Variants in GNA14 observed in about 807,000 individuals in gnomAD.
The protein encoded by GNA14 is G protein subunit alpha 14, also known as guanine nucleotide-binding protein subunit alpha-14.
GNA14 carries 50 observed loss-of-function variants against 42.0 expected under a neutral mutation model. That is an observed-to-expected ratio of 1.19 (90% CI 0.95 to 1.51). The LOEUF (loss-of-function observed/expected upper bound fraction) is 1.51, where lower values mean the gene tolerates loss of function less well. GNA14 is among the 40% of genes most tolerant of loss of function. The pLI is 0.00. For synonymous variants in GNA14, 173 were observed against 163.1 expected, an observed-to-expected ratio of 1.06 and a Z score of -0.46; for missense variants, 473 against 446.2, an observed-to-expected ratio of 1.06 and a Z score of -0.54.
At chr9:77,619,150 A>G (rs2117967871) in intron 1 of GNA14, among the ~76,000 whole-genome samples, 1 of 152,214 alleles carries the variant, frequency 6.6e-6, no homozygotes, top group South Asian at 2.1e-4. Flanking sequence ...ACAAGAGCAC[A>G]TACCAGACCC....
At chr9:77,513,610 AG>A (rs749755804) in intron 2 of GNA14, among the ~76,000 whole-genome samples, 2 of 152,208 alleles carry the variant, frequency 1.3e-5, no homozygotes, top group Non-Finnish European at 2.9e-5. Flanking sequence ...TAATTCCGTG[AG>A]GAGGCACAGC....
intron 1 of GNA14, among the ~76,000 whole-genome samples, chr9:77,577,113 C>A (rs1032249268): frequency 6.6e-6 from 1 of 152,162 alleles, no homozygotes. Context: ...AGGCTAGACA[C>A]CAGAGGTGCT....
chr9:77,578,842 G>A (rs57135564), intron 1 of GNA14, among the ~76,000 whole-genome samples: 5,372 of 152,196 alleles, frequency 0.035, 319 homozygotes, highest in African/African-American at 0.12. Context: ...GGGTAAGAGG[G>A]GCAGAGACTG....
intron 1 of GNA14, 120 bp downstream of exon 1, chr9:77,647,547 GAGA>G: frequency 9.1e-7 from 1 of 1,097,458 alleles, no homozygotes. Flanking sequence ...CTCCGAGGGG[GAGA>G]AGGACGAAGC....
At chr9:77,443,079 A>T (rs1185261604) in intron 2 of GNA14, among the ~76,000 whole-genome samples, 1 of 152,230 alleles carries the variant, frequency 6.6e-6, no homozygotes, top group Admixed American at 6.5e-5. Context: ...ATGGAAGTGG[A>T]GAAATGGACA....
chr9:77,522,255 G>A (rs891288640), intron 2 of GNA14, among the ~76,000 whole-genome samples: 1 of 152,200 alleles, frequency 6.6e-6, no homozygotes, highest in East Asian at 1.9e-4. Context: ...AGGCAGGCAA[G>A]AAGGCGCCAT....
chr9:77,537,556 T>A (rs1837612749), intron 1 of GNA14, among the ~76,000 whole-genome samples: 1 of 152,240 alleles, frequency 6.6e-6, no homozygotes, highest in Non-Finnish European at 1.5e-5. Context: ...AGCGCAGGTA[T>A]TCCTGTGATA....
chr9:77,501,713 CTT>C (rs71358606), intron 2 of GNA14, among the ~76,000 whole-genome samples: 6 of 130,382 alleles, frequency 4.6e-5, no homozygotes, highest in Admixed American at 1.6e-4. Flanking sequence ...TGGATAATTT[CTT>C]TTTTTTTTTT....
chr9:77,498,916 G>A (rs974653596), intron 2 of GNA14, among the ~76,000 whole-genome samples: 1 of 152,066 alleles, frequency 6.6e-6, no homozygotes, highest in African/African-American at 2.4e-5. Context: ...AAGGTTCCTG[G>A]GCATAAAAGT....
At chr9:77,500,648 T>C (rs1447765251) in intron 2 of GNA14, among the ~76,000 whole-genome samples, 1 of 152,162 alleles carries the variant, frequency 6.6e-6, no homozygotes, top group African/African-American at 2.4e-5. Context: ...ACTAATCTAT[T>C]CTCCCTTTCT....
chr9:77,423,941 C>A lies in GNA14; in HGVS notation c.*38G>T. On this transcript the variant is annotated 3_prime_UTR_variant, in exon 7 of 7. Transcript: ENST00000341700. The stretch of plus-strand genomic sequence containing the variant: ...CAAATAAAACAAGGAGTTTGCAAAT[C>A]ACATCTTCTGTTATAGGGGAGGAGT... 6.9e-7 allele frequency: 1 copy of A among 1,444,332 alleles called. No individual in the cohort carries two copies. Among genetic ancestry groups the A allele is most frequent in the Non-Finnish European group, 9.4e-7 (1 of 1,067,472 alleles). The allele number at this position is 1,444,332 out of a possible 1,614,324, so 89.5% of individuals were successfully genotyped here. A position where few individuals can be genotyped will look rare whatever the true frequency, so the allele number is the denominator to read the frequency against.
intron 2 of GNA14, among the ~76,000 whole-genome samples, chr9:77,465,850 T>TC (rs1447975103): frequency 2.0e-5 from 3 of 152,164 alleles, no homozygotes; most frequent in African/African-American, 7.2e-5. Flanking sequence ...CAAGCAGTCC[T>TC]CCCACCTTGG....
At chr9:77,498,416 C>T (rs75845195) in intron 2 of GNA14, among the ~76,000 whole-genome samples, 2,182 of 149,752 alleles carry the variant, frequency 0.015, 49 homozygotes, top group African/African-American at 0.051. Context: ...AAACAAGCTG[C>T]ACCAGGGCAA....
intron 2 of GNA14, among the ~76,000 whole-genome samples, chr9:77,477,558 A>ACCCAC (rs1435272809): frequency 5.3e-5 from 8 of 151,976 alleles, no homozygotes; most frequent in Admixed American, 5.2e-4. Context: ...CCATCTAATC[A>ACCCAC]CCCACCCATA....
chr9:77,435,010 A>G (rs2148882), intron 2 of GNA14, among the ~76,000 whole-genome samples: 10,190 of 151,264 alleles, frequency 0.067, 815 homozygotes, highest in East Asian at 0.19. Flanking sequence ...GTGAAACACA[A>G]TAACAACTTA....
intron 2 of GNA14, among the ~76,000 whole-genome samples, chr9:77,444,617 GC>G (rs1194851952): frequency 6.6e-6 from 1 of 152,070 alleles, no homozygotes; most frequent in Admixed American, 6.6e-5. Flanking sequence ...GCAGCCTCAG[GC>G]CCCCTCAGAC....
In GNA14 at chr9:77,431,323, A is replaced by T; in HGVS notation, c.591T>A (p.Phe197Leu). The change falls in exon 4 of 7, where the codon TTT becomes TTA. Residue 197 changes from phenylalanine to leucine, a missense_variant and splice_region_variant. Coordinates refer to ENST00000341700, the MANE Select transcript of GNA14 (RefSeq NM_004297.4). ...GTACATCAGGGAGACAGACTTACCG[A>T]AAGATGATGTTTTCCAAGTCAAATG... ...EYPFDLENIIFRMVDVGGQRS... is the reference protein window; with the variant it reads ...EYPFDLENIILRMVDVGGQRS... The T allele has an allele frequency of 6.2e-7, 1 of 1,613,526 alleles. No homozygotes were observed. Among genetic ancestry groups the T allele is most frequent in the Non-Finnish European group, 8.5e-7 (1 of 1,179,612 alleles).
At chr9:77,437,311 G>A (rs576924170) in intron 2 of GNA14, among the ~76,000 whole-genome samples, 8 of 152,326 alleles carry the variant, frequency 5.3e-5, no homozygotes, top group Admixed American at 2.0e-4. Context: ...TTGGGAGGCC[G>A]AGGGAGGCGG....
At chr9:77,593,333 C>CTTTTTTTTT (rs1823417064) in intron 1 of GNA14, among the ~76,000 whole-genome samples, 2 of 131,742 alleles carry the variant, frequency 1.5e-5, no homozygotes, top group African/African-American at 8.7e-5. Context: ...CCCTAACATT[C>CTTTTTTTTT]CTTTTTTTTT....
Sources: allele counts gnomAD v4.1 joint callset (sites outside exome capture counted in the v4.1 genomes callset), GRCh38; gene constraint gnomAD v4.1.1; transcripts MANE v1.5; gene names NCBI Gene and HGNC (gene_info 2026-07-23, HGNC 2026-07-21).